Variants in GRAMD2A observed in about 807,000 individuals in gnomAD.
GRAMD2A encodes the protein GRAM domain-containing protein 2A.
GRAMD2A carries 37 observed loss-of-function variants against 51.1 expected under a neutral mutation model. That is an observed-to-expected ratio of 0.72 (90% confidence interval 0.56 to 0.95). The LOEUF is 0.95. Among genes scored for constraint, GRAMD2A ranks in the 40% least tolerant of loss-of-function variants. The pLI, the probability that GRAMD2A is intolerant of heterozygous loss-of-function variation, is 0.00. For missense variants in GRAMD2A, 414 were observed against 426.9 expected, an observed-to-expected ratio of 0.97 and a Z score of 0.27; for synonymous variants, 136 against 157.1, an observed-to-expected ratio of 0.87 and a Z score of 1.01.
chr15:72,177,971 AC>A (rs1156390033), intron 1 of GRAMD2A, among the ~76,000 whole-genome samples: 1 of 151,888 alleles, frequency 6.6e-6, no homozygotes, highest in Non-Finnish European at 1.5e-5. Context: ...CAAGTGATCC[AC>A]CCGCCTCGGC....
At chr15:72,183,661 C>T (rs1485710686) in intron 1 of GRAMD2A, among the ~76,000 whole-genome samples, 1 of 152,126 alleles carries the variant, frequency 6.6e-6, no homozygotes, top group Non-Finnish European at 1.5e-5. Flanking sequence ...GAAATCCTGT[C>T]TCTACTAAAA....
At chr15:72,172,872 C>T (rs984987836) in intron 1 of GRAMD2A, among the ~76,000 whole-genome samples, 4 of 152,090 alleles carry the variant, frequency 2.6e-5, no homozygotes, top group African/African-American at 2.4e-5. Context: ...CTATTTCTTC[C>T]ATGTATGTTT....
rs1222520542 is a variant in GRAMD2A at position 72,166,590 on chromosome 15, C to T, written c.543+42G>A. The T allele has an allele frequency of 2.7e-6, 4 of 1,472,284 alleles. No individual in the cohort carries two copies. The highest frequency in any genetic ancestry group is 3.8e-6 in the Non-Finnish European group (4 of 1,051,952). 91.2% of individuals were successfully genotyped at this position (1,472,284 alleles called of 1,614,324 possible). On this transcript the variant is annotated intron_variant, in intron 7 of 11. Transcript: ENST00000309731. The surrounding 1 kb of genome is among the most constrained non-coding windows in gnomAD (Gnocchi z 4.1). ...CCCTTGTGCAAGACCTGCATCCAGG[C>T]CTGAGCGACTTCCCTGGCCTTCCTG... is the stretch of plus-strand genomic sequence containing the variant.
In GRAMD2A at chr15:72,166,686, C is replaced by T; in HGVS notation, c.489G>A (p.Leu163=). The change falls in exon 7 of 12, where the codon CTG becomes CTA. Residue 163 remains leucine, a synonymous_variant. Coordinates refer to ENST00000309731, the MANE Select transcript of GRAMD2A (RefSeq NM_001012642.3). The surrounding 1 kb of genome is among the most constrained non-coding windows in gnomAD (Gnocchi z 4.1). ...NTSQKYIFVS[L]LSRDSVYDLL... is the part of the protein sequence containing the mutation. The stretch of plus-strand genomic sequence containing the variant: ...GGTCATATACACTGTCCCGGGAGAG[C>T]AGTGACACAAAGATATACTGGGACA... The T allele has an allele frequency of 1.2e-6, 2 of 1,613,378 alleles. No homozygotes were observed. Among genetic ancestry groups the T allele is most frequent in the Middle Eastern group, 1.7e-4 (1 of 6,060 alleles).
intron 7 of GRAMD2A, among the ~76,000 whole-genome samples, chr15:72,165,730 CAT>C (rs879600051): frequency 1.3e-5 from 2 of 152,128 alleles, no homozygotes; most frequent in Non-Finnish European, 1.5e-5. Context: ...AGGGCCTGGA[CAT>C]AGAGACGGTC....
At chr15:72,182,372 A>C (rs1159909975) in intron 1 of GRAMD2A, among the ~76,000 whole-genome samples, 1 of 151,516 alleles carries the variant, frequency 6.6e-6, no homozygotes, top group East Asian at 1.9e-4. Flanking sequence ...CAAAAAAAAA[A>C]AAAAAAAAAA....
intron 1 of GRAMD2A, among the ~76,000 whole-genome samples, chr15:72,194,383 T>C (rs191667581): frequency 6.6e-6 from 1 of 152,266 alleles, no homozygotes; most frequent in East Asian, 1.9e-4. Context: ...TGGAGGGATT[T>C]TGGGGGGACG....
At chr15:72,186,048 A>G (rs1207419117) in intron 1 of GRAMD2A, among the ~76,000 whole-genome samples, 1 of 152,232 alleles carries the variant, frequency 6.6e-6, no homozygotes, top group Non-Finnish European at 1.5e-5. Context: ...AAGGATTGGT[A>G]TTCTTCATAT....
In GRAMD2A at chr15:72,190,895, AGG is replaced by A. The variant is rs2081763561; in HGVS notation, c.41+6834_41+6835del. 5.9e-5 allele frequency among the ~76,000 whole-genome samples: 9 copies of A among 152,348 alleles called. No homozygotes were observed. In the South Asian group the frequency reaches 1.7e-3, roughly 28 times the overall value. On this transcript the variant is annotated intron_variant, in intron 1 of 11. Transcript: ENST00000309731. ...ATTCCGGATCTGAGGAAATGCAAAA[AGG>A]AGCCTAAAACATCTAATCATACCAG...
Position 72,166,883 on chromosome 15 carries a change from A to G in GRAMD2A, c.471+111T>C. ...GTACGGCCTGAAATACCTACTGGAGAGCTGCAGGGTGGGGTGAAATAAAGA... is the reference window on the plus strand; with the variant it reads ...GTACGGCCTGAAATACCTACTGGAGGGCTGCAGGGTGGGGTGAAATAAAGA... On this transcript the variant is annotated intron_variant, in intron 6 of 11. Coordinates refer to ENST00000309731, the MANE Select transcript of GRAMD2A (RefSeq NM_001012642.3). The surrounding 1 kb of genome is among the most constrained non-coding windows in gnomAD (Gnocchi z 4.1). The G allele has an allele frequency of 1.0e-6, 1 of 955,264 alleles. No homozygotes were observed. The highest frequency in any genetic ancestry group is 1.3e-5 in the South Asian group (1 of 74,606). The allele number at this position is 955,264 out of a possible 1,614,324, so 59.2% of individuals were successfully genotyped here.
rs529937919 is a variant in GRAMD2A, at chr15:72,171,944, C to T, written c.42-2005G>A. ...TCCTGGGTTCCAGCAATTCTCCTGCCTCAGCCTCCCAAGTAGCTGGGACTA... is the reference window on the plus strand; with the variant it reads ...TCCTGGGTTCCAGCAATTCTCCTGCTTCAGCCTCCCAAGTAGCTGGGACTA... On this transcript the variant is annotated intron_variant, in intron 1 of 11. Transcript: ENST00000309731. 1.1e-3 allele frequency among the ~76,000 whole-genome samples: 170 copies of T among 152,040 alleles called. 5 individuals carry two copies. The South Asian group carries it at 0.035, about 32-fold the overall frequency.
chr15:72,170,369 C>G lies in GRAMD2A; in HGVS notation c.42-430G>C, dbSNP rs78179527. ...AGCATGACTGTAAACCATCAGGTTC[C>G]GGGAAAGTAGGCTGAGCACAGGAGG... On this transcript the variant is annotated intron_variant, in intron 1 of 11. Transcript: ENST00000309731. The surrounding 1 kb of genome is among the most constrained non-coding windows in gnomAD (Gnocchi z 4.5). 4.4e-6 allele frequency: 2 copies of G among 456,742 alleles called. No individual in the cohort carries two copies. The highest frequency in any genetic ancestry group is 8.8e-6 in the Non-Finnish European group (2 of 227,440). The allele number at this position is 456,742 out of a possible 1,614,324, so 28.3% of individuals were successfully genotyped here.
Position 72,163,723 on chromosome 15 carries a change from A to G in GRAMD2A, c.635T>C (p.Val212Ala), listed in dbSNP as rs1315044654. The G allele has an allele frequency of 1.2e-6, 2 of 1,608,946 alleles. No homozygotes were observed. The highest frequency in any genetic ancestry group is 1.7e-6 in the Non-Finnish European group (2 of 1,178,520). The part of the protein sequence containing the change: ...VLIPEMKWRK[V>A]CPSSRSLSLP... Reference sequence around the variant, plus strand: ...AGACAGGGACCTGGAGGAAGGGCATACCTTTCTCCACTTCATCTCAGGGAT... The same window carrying G: ...AGACAGGGACCTGGAGGAAGGGCATGCCTTTCTCCACTTCATCTCAGGGAT... The change falls in exon 9 of 12, where the codon GTA (valine) becomes GCA (alanine). Residue 212 changes from valine (V) to alanine (A), a missense_variant. Coordinates refer to ENST00000309731, the MANE Select transcript of GRAMD2A (RefSeq NM_001012642.3).
rs774581885 is a variant in GRAMD2A at position 72,162,019 on chromosome 15, A to G, written c.1062-7T>C. ...AAGGCCAAGTGGCTGTTACCTGCACACAGGAAAGATGTCCACATCAGGGAA... is the reference window on the plus strand; with the variant it reads ...AAGGCCAAGTGGCTGTTACCTGCACGCAGGAAAGATGTCCACATCAGGGAA... On this transcript the variant is annotated splice_region_variant and splice_polypyrimidine_tract_variant and intron_variant, in intron 11 of 11. Coordinates refer to ENST00000309731, the MANE Select transcript of GRAMD2A (RefSeq NM_001012642.3). 1.2e-6 allele frequency: 2 copies of G among 1,614,170 alleles called. No homozygotes were observed. Among genetic ancestry groups the G allele is most frequent in the Non-Finnish European group, 1.7e-6 (2 of 1,180,034 alleles).
At chr15:72,182,385 A>C (rs1008260238) in intron 1 of GRAMD2A, among the ~76,000 whole-genome samples, 1 of 149,956 alleles carries the variant, frequency 6.7e-6, no homozygotes. Context: ...AAAAAAAAAA[A>C]CCCAAAATTT....
intron 4 of GRAMD2A, among the ~76,000 whole-genome samples, 177 bp downstream of exon 4, chr15:72,168,314 T>C (rs1394861770): frequency 6.6e-6 from 1 of 152,238 alleles, no homozygotes; most frequent in Non-Finnish European, 1.5e-5. Flanking sequence ...TGCAATGCTA[T>C]GTCCAAACCA....
chr15:72,164,417 T>C (rs1025768773), intron 8 of GRAMD2A, among the ~76,000 whole-genome samples: 2 of 151,534 alleles, frequency 1.3e-5, no homozygotes, highest in African/African-American at 4.8e-5. Flanking sequence ...TTTTATTTTT[T>C]TTTTTTTTGA....
intron 1 of GRAMD2A, among the ~76,000 whole-genome samples, chr15:72,180,617 A>C (rs777268584): frequency 6.6e-6 from 1 of 152,178 alleles, no homozygotes; most frequent in Non-Finnish European, 1.5e-5. Flanking sequence ...CCCACCTCAG[A>C]ATTACTCTGG....
chr15:72,178,814 T>TC (rs2081675509), intron 1 of GRAMD2A, among the ~76,000 whole-genome samples: 1 of 151,992 alleles, frequency 6.6e-6, no homozygotes, highest in African/African-American at 2.4e-5. Context: ...GACCTTGTGA[T>TC]CCGCCCGCCT....
Sources: allele counts gnomAD v4.1 joint callset (sites outside exome capture counted in the v4.1 genomes callset), GRCh38; gene constraint gnomAD v4.1.1; non-coding constraint Gnocchi (gnomAD v3.1); transcripts MANE v1.5; gene names NCBI Gene and HGNC (gene_info 2026-07-23, HGNC 2026-07-21).